The following CACNA1S variants were observed in gnomAD, a reference collection of about 807,000 sequenced individuals.
CACNA1S encodes voltage-dependent L-type calcium channel subunit alpha-1S.
Under a neutral mutation model 207.4 loss-of-function variants are expected in CACNA1S, and 126 were observed. That is an observed-to-expected ratio of 0.61 (90% CI 0.53 to 0.70). The LOEUF (loss-of-function observed/expected upper bound fraction) is 0.70, where lower values mean the gene tolerates loss of function less well. Among genes scored for constraint, CACNA1S ranks in the 30% least tolerant of loss-of-function variants. The probability of loss-of-function intolerance (pLI) is 0.00; values close to 1 mark genes in which losing one functional copy is unlikely to be tolerated. For synonymous variants in CACNA1S, 960 were observed against 932.7 expected, an observed-to-expected ratio of 1.03 and a Z score of -0.53; for missense variants, 2,349 against 2,422.8, an observed-to-expected ratio of 0.97 and a Z score of 0.64.
At chr1:201,084,804 A>G in intron 9 of CACNA1S, 146 bp downstream of exon 9, 1 of 662,784 alleles carries the variant, frequency 1.5e-6, no homozygotes, top group Non-Finnish European at 2.7e-6. Context: ...CAGAGCAGGA[A>G]CTGGCCCTAT....
chr1:201,072,659 G>A (rs1411011577), intron 16 of CACNA1S, 96 bp downstream of exon 16: 3 of 871,574 alleles, frequency 3.4e-6, no homozygotes, highest in Admixed American at 3.4e-5. Context: ...GTACAGGTAG[G>A]GACACACAAG....
chr1:201,077,856 T>C, intron 11 of CACNA1S, 23 bp downstream of exon 11: 1 of 1,576,186 alleles, frequency 6.3e-7, no homozygotes, highest in Non-Finnish European at 8.7e-7. Context: ...GACCCGGGAG[T>C]GCCAGCCGAC....
intron 22 of CACNA1S, 108 bp downstream of exon 22, chr1:201,065,729 CT>C (rs1479413151): frequency 2.6e-6 from 2 of 755,250 alleles, no homozygotes; most frequent in Admixed American, 3.9e-5. Context: ...ATATGGAAAT[CT>C]GTGCATTCGA....
intron 12 of CACNA1S, among the ~76,000 whole-genome samples, chr1:201,075,845 A>G (rs565592035): frequency 1.8e-4 from 28 of 152,288 alleles, no homozygotes; most frequent in Middle Eastern, 6.8e-3. Flanking sequence ...AGATGGGTGG[A>G]TCATTCGAGG....
At position 201,043,469 on chromosome 1, in the gene CACNA1S, G is replaced by A. The variant is rs41267497; in HGVS notation, c.4860C>T (p.Pro1620=). The A allele has an allele frequency of 0.14, 226,334 of 1,613,800 alleles. 18,382 individuals are homozygous for A. Among genetic ancestry groups the A allele is most frequent in the Non-Finnish European group, 0.17 (197,755 of 1,179,890 alleles). ...GGAGGGGTCTCTGATTGGCCATGAC[G>A]GGGGGCAGGGAGTTGGTCCTTTCCA... ...NFLERTNSLP[P]VMANQRPLQF... The change falls in exon 40 of 44, where the codon CCC becomes CCT. Residue 1620 remains proline (P), a synonymous_variant. Coordinates refer to ENST00000362061, the MANE Select transcript of CACNA1S (RefSeq NM_000069.3).
chr1:201,039,624 T>G lies in CACNA1S; in HGVS notation c.*207A>C. The G allele has an allele frequency of 1.6e-6, 1 of 636,368 alleles. No individual in the cohort carries two copies. The highest frequency in any genetic ancestry group is 2.7e-6 in the Non-Finnish European group (1 of 364,322). 39.4% of individuals were successfully genotyped at this position (636,368 alleles called of 1,614,324 possible). ...TGACATTAGAAGCTCCATCCAATCATGCCTCTTGCTGGTGAGGGGCAGGGC... is the reference window on the plus strand; with the variant it reads ...TGACATTAGAAGCTCCATCCAATCAGGCCTCTTGCTGGTGAGGGGCAGGGC... On this transcript the variant is annotated 3_prime_UTR_variant, in exon 44 of 44. Coordinates refer to ENST00000362061, the MANE Select transcript of CACNA1S (RefSeq NM_000069.3).
intron 38 of CACNA1S, among the ~76,000 whole-genome samples, chr1:201,046,447 CT>C (rs769238512): frequency 1.6e-4 from 25 of 151,998 alleles, no homozygotes; most frequent in Non-Finnish European, 3.4e-4. Flanking sequence ...TCCCAAAGCG[CT>C]GGGATTACAG....
intron 28 of CACNA1S, among the ~76,000 whole-genome samples, chr1:201,056,983 C>T (rs1660869325): frequency 6.6e-6 from 1 of 152,212 alleles, no homozygotes; most frequent in Non-Finnish European, 1.5e-5. Context: ...TCACCTGGAT[C>T]ACTGCGGGAA....
At chr1:201,068,992 C>A (rs367618219) in intron 19 of CACNA1S, 145 bp downstream of exon 19, 126 of 740,408 alleles carry the variant, frequency 1.7e-4, no homozygotes, top group East Asian at 1.6e-3. Context: ...ACTTGTGGGC[C>A]TGCCGGTGTG....
At chr1:201,065,323 A>G (rs7411594) in intron 22 of CACNA1S, among the ~76,000 whole-genome samples, 6 of 152,244 alleles carry the variant, frequency 3.9e-5, no homozygotes, top group Non-Finnish European at 8.8e-5. Context: ...TTAGCTTATT[A>G]GATCTCTTAA....
chr1:201,087,818 T>C lies in CACNA1S; in HGVS notation c.1004+8A>G. On this transcript the variant is annotated splice_region_variant and intron_variant, in intron 7 of 43. Transcript: ENST00000362061. ...CTTTTCTCCCCTGGCTACCTTTGAATTTCTTACCCACTCAGGACACCCAGC... is the reference window on the plus strand; with the variant it reads ...CTTTTCTCCCCTGGCTACCTTTGAACTTCTTACCCACTCAGGACACCCAGC... 6.3e-7 allele frequency: 1 copy of C among 1,591,930 alleles called. No individual in the cohort carries two copies. The highest frequency in any genetic ancestry group is 8.6e-7 in the Non-Finnish European group (1 of 1,160,766).
intron 12 of CACNA1S, among the ~76,000 whole-genome samples, 200 bp from the exon 13 acceptor site, chr1:201,075,815 C>G (rs938678405): frequency 2.6e-5 from 4 of 152,166 alleles, no homozygotes; most frequent in Non-Finnish European, 5.9e-5. Context: ...ACGCCTGTTA[C>G]TTATCACTTT....
intron 9 of CACNA1S, among the ~76,000 whole-genome samples, 178 bp from the exon 10 acceptor site, chr1:201,083,500 T>A (rs548270193): frequency 6.6e-6 from 1 of 152,270 alleles, no homozygotes; most frequent in African/African-American, 2.4e-5. Flanking sequence ...CCTCCATCTT[T>A]CACAGAAGAG....
In CACNA1S at chr1:201,066,564, G is replaced by A. The variant is rs1661249220; in HGVS notation, c.2658-248C>T. 6.6e-6 allele frequency among the ~76,000 whole-genome samples: 1 copy of A among 152,168 alleles called. No individual in the cohort carries two copies. Among genetic ancestry groups the A allele is most frequent in the Non-Finnish European group, 1.5e-5 (1 of 68,010 alleles). On this transcript the variant is annotated intron_variant, in intron 20 of 43. Transcript: ENST00000362061. The surrounding 1 kb of genome is among the most constrained non-coding windows in gnomAD (Gnocchi z 4.3). ...CAGAAGACAGCCTTCCCCTGTGGGT[G>A]GCTAGAAGCTCCGTCCCTCCCGTCA... is the stretch of plus-strand genomic sequence containing the variant.
rs1173922130 is a variant in CACNA1S at position 201,066,146 on chromosome 1, G to A, written c.2745+83C>T. 7 of 1,353,344 alleles carry A rather than the reference G, an allele frequency of 5.2e-6. No individual in the cohort carries two copies. In the Admixed American group the frequency reaches 1.2e-4, roughly 23 times the overall value. 83.8% of individuals were successfully genotyped at this position (1,353,344 alleles called of 1,614,324 possible). A position where few individuals can be genotyped will look rare whatever the true frequency, so the allele number is the denominator to read the frequency against. On this transcript the variant is annotated intron_variant, in intron 21 of 43. Transcript: ENST00000362061. This position sits in a 1 kb window ranked among gnomAD's most constrained non-coding sequence, Gnocchi z 4.3. ...AGATGGGACAGGGGTCCCAGCCATGGCTGGGCTGAGGTTTCTGGAGCGAGG... is the reference window on the plus strand; with the variant it reads ...AGATGGGACAGGGGTCCCAGCCATGACTGGGCTGAGGTTTCTGGAGCGAGG...
rs769344627 is a variant in CACNA1S at position 201,065,819 on chromosome 1, C to T, written c.2853+19G>A. On this transcript the variant is annotated intron_variant, in intron 22 of 43. Coordinates refer to ENST00000362061, the MANE Select transcript of CACNA1S (RefSeq NM_000069.3). Reference sequence around the variant, plus strand: ...GCTGGGAGCGGGAGGGGGAGCTGCTCGCGCAGGCTGGGGCTCACCTTGAAG... The same window carrying T: ...GCTGGGAGCGGGAGGGGGAGCTGCTTGCGCAGGCTGGGGCTCACCTTGAAG... 1.8e-5 allele frequency: 28 copies of T among 1,585,950 alleles called. No homozygotes were observed. The East Asian group carries it at 1.8e-4, about 10-fold the overall frequency.
rs1661373352 is a variant in CACNA1S at position 201,069,487 on chromosome 1, A to G, written c.2475T>C (p.Asp825=). The change falls in exon 18 of 44, where the codon GAT becomes GAC. Residue 825 remains aspartate (D), a synonymous_variant. Transcript: ENST00000362061. ...AGCCCGTCACCTGATTTCTCATGGA[A>G]TCAGCCCGGATGGGGTCTTCCGCAG... The part of the protein sequence containing the change: ...ALAAEDPIRA[D]SMRNQILKHF... 1 of 1,603,670 alleles carries G rather than the reference A, an allele frequency of 6.2e-7. No individual in the cohort carries two copies. Among genetic ancestry groups the G allele is most frequent in the Non-Finnish European group, 8.5e-7 (1 of 1,176,312 alleles).
chr1:201,088,776 G>C (rs1392532940), intron 6 of CACNA1S, among the ~76,000 whole-genome samples: 1 of 152,222 alleles, frequency 6.6e-6, no homozygotes, highest in African/African-American at 2.4e-5. Context: ...CTGGAGTGTT[G>C]ACTGTGTGCC....
In CACNA1S at chr1:201,040,381, CA is replaced by C; in HGVS notation, c.5227-8del. 6.2e-7 allele frequency: 1 copy of C among 1,612,742 alleles called. No individual in the cohort carries two copies. On this transcript the variant is annotated splice_polypyrimidine_tract_variant and splice_region_variant and intron_variant, in intron 42 of 43. Coordinates refer to ENST00000362061, the MANE Select transcript of CACNA1S (RefSeq NM_000069.3). The stretch of plus-strand genomic sequence containing the variant: ...AGGACTCCACCCTGGGGCACTGTTC[CA>C]AAGGTACAAAAGCAAAGACCCCGAC...
Sources: gnomAD v4.1 joint callset for allele counts (sites outside exome capture counted in the v4.1 genomes callset) on GRCh38, gnomAD v4.1.1 for gene constraint, Gnocchi (gnomAD v3.1) non-coding constraint, MANE v1.5 for transcripts, NCBI Gene and HGNC (gene_info 2026-07-23, HGNC 2026-07-21) for gene names.